EGR1: variants seen among roughly 807,000 people sequenced by gnomAD.
EGR1 encodes the protein early growth response 1, also known as early growth response protein 1.
In EGR1, 8 loss-of-function variants were observed where a neutral mutation model predicts 30.2. That is an observed-to-expected ratio of 0.26 (90% confidence interval 0.16 to 0.48). EGR1 has a LOEUF of 0.48. Among genes scored for constraint, EGR1 ranks in the 20% least tolerant of loss-of-function variants. The pLI is 0.99. For synonymous variants in EGR1, 334 were observed against 312.8 expected (o/e 1.07, Z -0.72); for missense variants, 568 against 732.3 (o/e 0.78, Z 2.59).
In EGR1 at chr5:138,466,000, G is replaced by C; in HGVS notation, c.239G>C (p.Ser80Thr). ...GGGGGGGSNS[S>T]SSSSTFNPQA... ...GGCGGCGGGGGCGGCAGCAACAGCA[G>C]CAGCAGCAGCAGCACCTTCAACCCT... The change falls in exon 1 of 2, where the codon AGC becomes ACC. Residue 80 changes from serine (S) to threonine (T), a missense_variant. Physicochemically the swap from Ser to Thr is moderately conservative, Grantham distance 58. Transcript: ENST00000239938. The C allele has an allele frequency of 6.2e-7, 1 of 1,607,978 alleles. No homozygotes were observed. Among genetic ancestry groups the C allele is most frequent in the Non-Finnish European group, 8.5e-7 (1 of 1,177,380 alleles).
Position 138,466,963 on chromosome 5 carries a change from T to A in EGR1, c.514T>A (p.Ser172Thr), listed in dbSNP as rs201570244. The A allele has an allele frequency of 2.5e-5, 41 of 1,613,832 alleles. No individual in the cohort carries two copies. Among genetic ancestry groups the A allele is most frequent in the South Asian group, 2.2e-4 (20 of 91,082 alleles). ...CATGACCAACCCACCGGCCTCCTCG[T>A]CCTCAGCACCATCTCCAGCGGCCTC... The part of the protein sequence containing the change: ...VSMTNPPASS[S>T]SAPSPAASSA... Residue 172 changes from serine to threonine, a missense_variant, in exon 2 of 2, where the codon TCC (serine) becomes ACC (threonine). Transcript: ENST00000239938.
rs1580990376 is a variant in EGR1, at chr5:138,465,511, GCCGCCGCCAT to G, written c.-242_-233del. 1 of 248,748 alleles carries G rather than the reference GCCGCCGCCAT, an allele frequency of 4.0e-6. No individual in the cohort carries two copies. Among genetic ancestry groups the G allele is most frequent in the Non-Finnish European group, 7.5e-6 (1 of 133,124 alleles). 15.4% of individuals were successfully genotyped at this position (248,748 alleles called of 1,614,324 possible). ...CCCAGCGCGCAGAACTTGGGGAGCCGCCGCCGCCATCCGCCGCCGCAGCCAGCTTCCGCCG... is the reference window on the plus strand; with the variant it reads ...CCCAGCGCGCAGAACTTGGGGAGCCGCCGCCGCCGCAGCCAGCTTCCGCCG... On this transcript the variant is annotated 5_prime_UTR_variant, in exon 1 of 2. Coordinates refer to ENST00000239938, the MANE Select transcript of EGR1 (RefSeq NM_001964.3).
chr5:138,466,371 A>AGACTT (rs1361508415), intron 1 of EGR1, among the ~76,000 whole-genome samples: 2 of 152,220 alleles, frequency 1.3e-5, no homozygotes, highest in Admixed American at 6.5e-5. Flanking sequence ...ACCTCCAGTA[A>AGACTT]GACTTGCCTT....
Position 138,465,753 on chromosome 5 carries a change from T to A in EGR1, c.-9T>A. 6.3e-7 allele frequency: 1 copy of A among 1,580,092 alleles called. No homozygotes were observed. Among genetic ancestry groups the A allele is most frequent in the East Asian group, 2.3e-5 (1 of 44,030 alleles). ...CCCCGACACCAGCTCTCCAGCCTGC[T>A]CGTCCAGGATGGCCGCGGCCAAGGC... On this transcript the variant is annotated 5_prime_UTR_variant, in exon 1 of 2. Coordinates refer to ENST00000239938, the MANE Select transcript of EGR1 (RefSeq NM_001964.3).
chr5:138,466,325 G>A (rs1189837026), intron 1 of EGR1, among the ~76,000 whole-genome samples: 1 of 152,270 alleles, frequency 6.6e-6, no homozygotes, highest in South Asian at 2.1e-4. Flanking sequence ...GGGTGGAGGG[G>A]GAGGGCTTGT....
At position 138,467,183 on chromosome 5, in the gene EGR1, G is replaced by A; in HGVS notation, c.734G>A (p.Gly245Asp). 1.2e-6 allele frequency: 2 copies of A among 1,612,900 alleles called. No individual in the cohort carries two copies. The highest frequency in any genetic ancestry group is 1.3e-5 in the African/African-American group (1 of 75,030). Residue 245 changes from glycine to aspartate, a missense_variant, in exon 2 of 2, where the codon GGT becomes GAT. By Grantham distance (94) the Gly-to-Asp change is moderately conservative (BLOSUM62 -1). This residue lies in a region of EGR1 where 415 missense variants were observed against 445.2 expected (regional missense o/e 0.93). Coordinates refer to ENST00000239938, the MANE Select transcript of EGR1 (RefSeq NM_001964.3). The surrounding 1 kb of genome is among the most constrained non-coding windows in gnomAD (Gnocchi z 8.3). Reference sequence around the variant, plus strand: ...CCTCCTGCCTACCCTGCCGCCAAGGGTGGCTTCCAGGTTCCCATGATCCCC... The same window carrying A: ...CCTCCTGCCTACCCTGCCGCCAAGGATGGCTTCCAGGTTCCCATGATCCCC... ...YPPPAYPAAKGGFQVPMIPDY... is the reference protein window; with the variant it reads ...YPPPAYPAAKDGFQVPMIPDY...
In EGR1 at chr5:138,468,092, G is replaced by C; in HGVS notation, c.*11G>C. On this transcript the variant is annotated 3_prime_UTR_variant, in exon 2 of 2. Coordinates refer to ENST00000239938, the MANE Select transcript of EGR1 (RefSeq NM_001964.3). ...ATTGAAATTTGCTAAAGGGAAAGGG[G>C]AAAGAAAGGGAAAAGGGAGAAAAAG... 1.3e-6 allele frequency: 2 copies of C among 1,548,896 alleles called. No individual in the cohort carries two copies. Among genetic ancestry groups the C allele is most frequent in the Non-Finnish European group, 1.7e-6 (2 of 1,149,152 alleles).
chr5:138,465,679 C>T lies in EGR1; in HGVS notation c.-83C>T. The T allele has an allele frequency of 1.4e-6, 2 of 1,416,208 alleles. No homozygotes were observed. The highest frequency in any genetic ancestry group is 2.7e-5 in the East Asian group (1 of 37,554). 87.7% of individuals were successfully genotyped at this position (1,416,208 alleles called of 1,614,324 possible). ...CGCCCCGCATGTAACCCGGCCAGGC[C>T]CCCGCAACTGTGTCCCCTGCAGCTC... On this transcript the variant is annotated 5_prime_UTR_variant, in exon 1 of 2. Coordinates refer to ENST00000239938, the MANE Select transcript of EGR1 (RefSeq NM_001964.3).
chr5:138,466,715 C>T (rs11743810), intron 1 of EGR1, 42 bp from the exon 2 acceptor site: 829,503 of 1,570,944 alleles, frequency 0.53, 226,660 homozygotes, highest in Non-Finnish European at 0.56. Context: ...CCAGTGATTG[C>T]TTTCCAGTAA....
In EGR1 at chr5:138,467,126, C is replaced by T. The variant is rs995882489; in HGVS notation, c.677C>T (p.Pro226Leu). ...IFPEPQSQAF[P>L]GSAGTALQYP... ...CCTGAGCCACAAAGCCAGGCCTTCC[C>T]GGGCTCGGCAGGGACAGCGCTCCAG... The change falls in exon 2 of 2, where the codon CCG (proline) becomes CTG (leucine). Residue 226 changes from proline (P) to leucine (L), a missense_variant. Pro to Leu is a moderately conservative substitution (Grantham distance 98). Around this residue, in one of 4 missense-constraint regions of EGR1, gnomAD observed 415 missense variants for 445.2 expected, o/e 0.93. Coordinates refer to ENST00000239938, the MANE Select transcript of EGR1 (RefSeq NM_001964.3). This position sits in a 1 kb window ranked among gnomAD's most constrained non-coding sequence, Gnocchi z 8.3. The T allele has an allele frequency of 8.7e-6, 14 of 1,613,520 alleles. No individual in the cohort carries two copies. The highest frequency in any genetic ancestry group is 2.2e-5 in the South Asian group (2 of 91,072).
In EGR1 at chr5:138,465,729, C is replaced by T. The variant is rs201629189; in HGVS notation, c.-33C>T. ...CCAGCCCCGGGCTGCACCCCCCCGC[C>T]CCGACACCAGCTCTCCAGCCTGCTC... On this transcript the variant is annotated 5_prime_UTR_variant, in exon 1 of 2. Coordinates refer to ENST00000239938, the MANE Select transcript of EGR1 (RefSeq NM_001964.3). 8.4e-6 allele frequency: 13 copies of T among 1,543,590 alleles called. No homozygotes were observed. Among genetic ancestry groups the T allele is most frequent in the Non-Finnish European group, 1.1e-5 (13 of 1,144,090 alleles).
Position 138,467,323 on chromosome 5 carries a change from A to C in EGR1, c.874A>C (p.Ile292Leu). 2 of 1,613,994 alleles carry C rather than the reference A, an allele frequency of 1.2e-6. No individual in the cohort carries two copies. Among genetic ancestry groups the C allele is most frequent in the Non-Finnish European group, 1.7e-6 (2 of 1,179,998 alleles). Residue 292 changes from isoleucine (I) to leucine (L), a missense_variant, in exon 2 of 2, where the codon ATT becomes CTT. By Grantham distance (5) the Ile-to-Leu change is conservative. Around this residue, in one of 4 missense-constraint regions of EGR1, gnomAD observed 415 missense variants for 445.2 expected, o/e 0.93. Coordinates refer to ENST00000239938, the MANE Select transcript of EGR1 (RefSeq NM_001964.3). This position sits in a 1 kb window ranked among gnomAD's most constrained non-coding sequence, Gnocchi z 8.3. Reference sequence around the variant, plus strand: ...GCCTTCGCTAACCCCTCTGTCTACTATTAAGGCCTTTGCCACTCAGTCGGG... The same window carrying C: ...GCCTTCGCTAACCCCTCTGTCTACTCTTAAGGCCTTTGCCACTCAGTCGGG... The part of the protein sequence containing the change: ...QQPSLTPLST[I>L]KAFATQSGSQ...
In EGR1 at chr5:138,468,661, AC is replaced by A. The variant is rs1764190897; in HGVS notation, c.*582del. 6.4e-6 allele frequency: 1 copy of A among 156,550 alleles called. No individual in the cohort carries two copies. Among genetic ancestry groups the A allele is most frequent in the Admixed American group, 6.5e-5 (1 of 15,488 alleles). The allele number at this position is 156,550 out of a possible 1,614,324, so 9.7% of individuals were successfully genotyped here. ...GATGATGCTGTGACAATAAGTTTGAACCTTTTTTTTTGAAACAGCAGTCCCA... is the reference window on the plus strand; with the variant it reads ...GATGATGCTGTGACAATAAGTTTGAACTTTTTTTTTGAAACAGCAGTCCCA... On this transcript the variant is annotated 3_prime_UTR_variant, in exon 2 of 2. Coordinates refer to ENST00000239938, the MANE Select transcript of EGR1 (RefSeq NM_001964.3).
At chr5:138,466,583 G>T (rs1444181761) in intron 1 of EGR1, among the ~76,000 whole-genome samples, 174 bp from the exon 2 acceptor site, 2 of 152,242 alleles carry the variant, frequency 1.3e-5, no homozygotes, top group Non-Finnish European at 1.5e-5. Context: ...TGTTGAAATG[G>T]GCTCTGCCAC....
chr5:138,465,596 C>A lies in EGR1; in HGVS notation c.-166C>A. On this transcript the variant is annotated 5_prime_UTR_variant, in exon 1 of 2. Transcript: ENST00000239938. Reference sequence around the variant, plus strand: ...CCTCCGCAGCCGCGGCGCGTCCACGCCCGCCCGCGCCCAGGGCGAGTCGGG... The same window carrying A: ...CCTCCGCAGCCGCGGCGCGTCCACGACCGCCCGCGCCCAGGGCGAGTCGGG... 1.5e-6 allele frequency: 1 copy of A among 685,436 alleles called. No individual in the cohort carries two copies. Among genetic ancestry groups the A allele is most frequent in the East Asian group, 3.5e-5 (1 of 28,482 alleles). 42.5% of individuals were successfully genotyped at this position (685,436 alleles called of 1,614,324 possible). A position where few individuals can be genotyped will look rare whatever the true frequency, so the allele number is the denominator to read the frequency against.
Position 138,466,114 on chromosome 5 carries a change from T to G in EGR1, c.307+46T>G, listed in dbSNP as rs759569370. 3.3e-6 allele frequency: 5 copies of G among 1,498,878 alleles called. No homozygotes were observed. In the South Asian group the frequency reaches 6.6e-5, roughly 20 times the overall value. 92.8% of individuals were successfully genotyped at this position (1,498,878 alleles called of 1,614,324 possible). On this transcript the variant is annotated intron_variant, in intron 1 of 1. Transcript: ENST00000239938. ...AGGGGGAACCCTTTCGCCACCATCC[T>G]GGCGTCCTGTCCTTCACCGCAGGAG...
chr5:138,468,231 G>A lies in EGR1; in HGVS notation c.*150G>A. 1 of 1,491,222 alleles carries A rather than the reference G, an allele frequency of 6.7e-7. No individual in the cohort carries two copies. The highest frequency in any genetic ancestry group is 9.0e-7 in the Non-Finnish European group (1 of 1,108,020). 92.4% of individuals were successfully genotyped at this position (1,491,222 alleles called of 1,614,324 possible). A position where few individuals can be genotyped will look rare whatever the true frequency, so the allele number is the denominator to read the frequency against. ...GTCCTCCCTCTCTACTGGAGTGGAA[G>A]GTCTATTGGCCAACAATCCTTTCTG... On this transcript the variant is annotated 3_prime_UTR_variant, in exon 2 of 2. Coordinates refer to ENST00000239938, the MANE Select transcript of EGR1 (RefSeq NM_001964.3).
At position 138,467,015 on chromosome 5, in the gene EGR1, C is replaced by G. The variant is rs1242903292; in HGVS notation, c.566C>G (p.Pro189Arg). 1 of 1,614,086 alleles carries G rather than the reference C, an allele frequency of 6.2e-7. No individual in the cohort carries two copies. Among genetic ancestry groups the G allele is most frequent in the South Asian group, 1.1e-5 (1 of 91,084 alleles). ...ASSASASQSP[P>R]LSCAVPSNDS... ...TCCGCCTCCGCCTCCCAGAGCCCAC[C>G]CCTGAGCTGCGCAGTGCCATCCAAC... Residue 189 changes from proline to arginine, a missense_variant, in exon 2 of 2, where the codon CCC (proline) becomes CGC (arginine). By Grantham distance (103) the Pro-to-Arg change is moderately radical. Around this residue, in one of 4 missense-constraint regions of EGR1, gnomAD observed 415 missense variants for 445.2 expected, o/e 0.93. Transcript: ENST00000239938. This position sits in a 1 kb window ranked among gnomAD's most constrained non-coding sequence, Gnocchi z 8.3.
rs769071689 is a variant in EGR1 at position 138,465,981 on chromosome 5, G to A, written c.220G>A (p.Gly74Arg). The change falls in exon 1 of 2, where the codon GGG becomes AGG. Residue 74 changes from glycine to arginine, a missense_variant. Physicochemically the swap from Gly to Arg is moderately radical, Grantham distance 125. Coordinates refer to ENST00000239938, the MANE Select transcript of EGR1 (RefSeq NM_001964.3). The stretch of plus-strand genomic sequence containing the variant: ...CAGCAGCGGGGGCGGTGGAGGCGGC[G>A]GGGGCGGCAGCAACAGCAGCAGCAG... ...SSSSGGGGGGGGGSNSSSSSS... is the reference protein window; with the variant it reads ...SSSSGGGGGGRGGSNSSSSSS... The A allele has an allele frequency of 6.2e-7, 1 of 1,609,980 alleles. No homozygotes were observed. Among genetic ancestry groups the A allele is most frequent in the Non-Finnish European group, 8.5e-7 (1 of 1,178,322 alleles).
Sources: allele counts gnomAD v4.1 joint callset (sites outside exome capture counted in the v4.1 genomes callset), GRCh38; gene constraint gnomAD v4.1.1; regional missense constraint gnomAD v4.1.1; non-coding constraint Gnocchi (gnomAD v3.1); transcripts MANE v1.5; gene names NCBI Gene and HGNC (gene_info 2026-07-23, HGNC 2026-07-21).